The following CTNNA3 variants were observed in gnomAD, a reference collection of about 807,000 sequenced individuals.
CTNNA3 encodes catenin alpha 3.
Under a neutral mutation model 95.7 loss-of-function variants are expected in CTNNA3, and 76 were observed. That is an observed-to-expected ratio of 0.79 (90% confidence interval 0.66 to 0.96). The LOEUF (loss-of-function observed/expected upper bound fraction) is 0.96. Ranked by LOEUF, CTNNA3 falls within the 40% of genes least tolerant of loss-of-function variation. The pLI, the probability that CTNNA3 is intolerant of heterozygous loss-of-function variation, is 0.00. For synonymous variants in CTNNA3, 431 were observed against 374.4 expected (o/e 1.15, Z -1.74); for missense variants, 1,191 against 1,089.8 (o/e 1.09, Z -1.31).
intron 7 of CTNNA3, among the ~76,000 whole-genome samples, chr10:66,874,013 T>G (rs9415868): frequency 0.89 from 134,873 of 152,078 alleles, 60,187 homozygotes; most frequent in East Asian, 0.99. Context: ...GCTACCAGAT[T>G]CAAGTCTGAT....
At chr10:67,121,981 CAAAAAAAAAAAAAA>C (rs370358378) in intron 7 of CTNNA3, among the ~76,000 whole-genome samples, 6 of 47,150 alleles carry the variant, frequency 1.3e-4, no homozygotes, top group Admixed American at 8.2e-4. Flanking sequence ...TTATTCTGAG[CAAAAAAAAAAAAAA>C]AAAAAAAAAA....
intron 12 of CTNNA3, among the ~76,000 whole-genome samples, chr10:66,348,172 C>T (rs557210552): frequency 6.6e-6 from 1 of 152,178 alleles, no homozygotes; most frequent in African/African-American, 2.4e-5. Flanking sequence ...ACTCTTTCTT[C>T]AGTCTTTCTT....
chr10:66,924,609 A>T (rs1220366065), intron 7 of CTNNA3, among the ~76,000 whole-genome samples: 1 of 152,216 alleles, frequency 6.6e-6, no homozygotes, highest in African/African-American at 2.4e-5. Flanking sequence ...ACCATGTACA[A>T]TATTTAAAAA....
At chr10:66,670,221 A>C (rs1361682484) in intron 9 of CTNNA3, among the ~76,000 whole-genome samples, 1 of 152,018 alleles carries the variant, frequency 6.6e-6, no homozygotes, top group Non-Finnish European at 1.5e-5. Flanking sequence ...CCACAACATA[A>C]ATGTATTTGT....
At chr10:67,720,243 C>T (rs1270232826) in intron 1 of CTNNA3, among the ~76,000 whole-genome samples, 1 of 148,604 alleles carries the variant, frequency 6.7e-6, no homozygotes, top group Non-Finnish European at 1.5e-5. Flanking sequence ...TGAATGTATT[C>T]AGGTGTATTC....
chr10:66,893,508 A>C (rs1253397823), intron 7 of CTNNA3, among the ~76,000 whole-genome samples: 1 of 151,848 alleles, frequency 6.6e-6, no homozygotes, highest in Non-Finnish European at 1.5e-5. Flanking sequence ...TCTAGGGGAG[A>C]CAGGCCAAGA....
At chr10:67,142,175 GAA>G (rs1303036025) in intron 7 of CTNNA3, among the ~76,000 whole-genome samples, 1 of 150,878 alleles carries the variant, frequency 6.6e-6, no homozygotes, top group Non-Finnish European at 1.5e-5. Flanking sequence ...CAGGTGAGAG[GAA>G]AAAAAAGAGA....
intron 7 of CTNNA3, among the ~76,000 whole-genome samples, chr10:66,881,298 C>A (rs1157266613): frequency 6.6e-6 from 1 of 152,060 alleles, no homozygotes; most frequent in East Asian, 1.9e-4. Context: ...ATAGAAAATG[C>A]AGAACAAACA....
At chr10:67,614,431 G>A (rs1843581583) in intron 2 of CTNNA3, among the ~76,000 whole-genome samples, 1 of 152,120 alleles carries the variant, frequency 6.6e-6, no homozygotes. Flanking sequence ...CCTTGAGCTT[G>A]TTTTCCCACA....
intron 14 of CTNNA3, among the ~76,000 whole-genome samples, chr10:66,077,982 C>T (rs1406460328): frequency 6.6e-6 from 1 of 151,776 alleles, no homozygotes; most frequent in Non-Finnish European, 1.5e-5. Flanking sequence ...CTATTCCCAA[C>T]AGTGAGGACC....
intron 9 of CTNNA3, among the ~76,000 whole-genome samples, chr10:66,712,176 C>A (rs1848316683): frequency 6.6e-6 from 1 of 152,100 alleles, no homozygotes; most frequent in Non-Finnish European, 1.5e-5. Context: ...AAGGATGGTG[C>A]TAAGTTCTCT....
intron 16 of CTNNA3, among the ~76,000 whole-genome samples, chr10:65,987,034 T>C (rs547005909): frequency 6.6e-6 from 1 of 152,032 alleles, no homozygotes; most frequent in East Asian, 1.9e-4. Context: ...CCCCTACCTT[T>C]CACCATATGG....
At chr10:66,110,041 T>C (rs1381845066) in intron 13 of CTNNA3, among the ~76,000 whole-genome samples, 1 of 152,132 alleles carries the variant, frequency 6.6e-6, no homozygotes, top group African/African-American at 2.4e-5. Context: ...TCTTCACTCA[T>C]GTATCATTTT....
rs1024389453 is a variant in CTNNA3, at chr10:66,404,244, C to T, written c.1532-24892G>A. On this transcript the variant is annotated intron_variant, in intron 11 of 17. Coordinates refer to ENST00000433211, the MANE Select transcript of CTNNA3 (RefSeq NM_013266.4). The stretch of plus-strand genomic sequence containing the variant: ...ATCAGTAGCACCCATAACCTAAATC[C>T]TTGACCACCAAATTGTCCATTAAAA... Among the ~76,000 whole-genome samples the T allele has an allele frequency of 9.9e-5, 15 of 152,228 alleles. No individual in the cohort carries two copies. The South Asian group carries it at 3.1e-3, about 32-fold the overall frequency.
chr10:67,437,335 G>T (rs973442577), intron 5 of CTNNA3, among the ~76,000 whole-genome samples: 2 of 152,006 alleles, frequency 1.3e-5, no homozygotes, highest in Admixed American at 6.6e-5. Context: ...GACTGGGAGT[G>T]GGGTGAGGGA....
rs149888606 is a variant in CTNNA3, at chr10:66,215,684, G to T, written c.1884+64786C>A. ...TTTAAAAGAAAACTATAAGGTTTAA[G>T]ATAAGACACAATGAAATTATTAATA... On this transcript the variant is annotated intron_variant, in intron 13 of 17. Transcript: ENST00000433211. 1.7e-3 allele frequency among the ~76,000 whole-genome samples: 261 copies of T among 152,300 alleles called. 6 individuals carry two copies. The East Asian group carries it at 0.025, about 15-fold the overall frequency.
chr10:67,469,704 T>G (rs757910799), intron 5 of CTNNA3, among the ~76,000 whole-genome samples: 10 of 152,018 alleles, frequency 6.6e-5, no homozygotes, highest in Non-Finnish European at 1.3e-4. Context: ...CACATGTATA[T>G]CTATGTAATA....
chr10:67,224,459 C>T (rs1864798607), intron 5 of CTNNA3, among the ~76,000 whole-genome samples: 2 of 152,140 alleles, frequency 1.3e-5, no homozygotes, highest in South Asian at 2.1e-4. Context: ...TAGAAGTTAT[C>T]CCTATGAGGG....
intron 2 of CTNNA3, among the ~76,000 whole-genome samples, chr10:67,647,178 T>TATATATA (rs1213827670): frequency 4.2e-4 from 53 of 125,892 alleles, no homozygotes; most frequent in Non-Finnish European, 6.2e-4. Context: ...ATATATATAT[T>TATATATA]ATTACTGCTA....
Sources: gnomAD v4.1 joint callset for allele counts (sites outside exome capture counted in the v4.1 genomes callset) on GRCh38, gnomAD v4.1.1 for gene constraint, MANE v1.5 for transcripts, NCBI Gene and HGNC (gene_info 2026-07-23, HGNC 2026-07-21) for gene names.